PPARGC1A: variants seen among roughly 807,000 people sequenced by gnomAD.
PPARGC1A encodes the protein peroxisome proliferator-activated receptor gamma coactivator 1-alpha.
Under a neutral mutation model 88.7 loss-of-function variants are expected in PPARGC1A, and 25 were observed. The ratio of observed to expected loss-of-function variants is 0.28; its 90% confidence interval spans 0.21 to 0.39. The LOEUF is 0.39. Ranked by LOEUF, PPARGC1A falls within the 10% of genes least tolerant of loss-of-function variation. The pLI is 1.00. For missense variants in PPARGC1A, 880 were observed against 968.7 expected, an observed-to-expected ratio of 0.91 and a Z score of 1.22; for synonymous variants, 363 against 355.6, an observed-to-expected ratio of 1.02 and a Z score of -0.24.
chr4:23,901,631 A>C (rs1719399863), upstream of PPARGC1A, among the ~76,000 whole-genome samples: 7 of 152,164 alleles, frequency 4.6e-5, no homozygotes. Context: ...AGCTTGGGAC[A>C]ATGAGAGGAA....
chr4:24,329,323 T>C, the PPARGC1A span, among the ~76,000 whole-genome samples: 10 of 151,936 alleles, frequency 6.6e-5, no homozygotes, highest in African/African-American at 2.4e-4. Context: ...AATACCACCA[T>C]TCCAGTGAAC....
the PPARGC1A span, among the ~76,000 whole-genome samples, chr4:24,246,409 A>G: frequency 6.6e-6 from 1 of 152,154 alleles, no homozygotes; most frequent in African/African-American, 2.4e-5. Flanking sequence ...GGAGCACTGG[A>G]GCCCAGGAGT....
chr4:23,937,566 A>C, the PPARGC1A span, among the ~76,000 whole-genome samples: 1 of 152,320 alleles, frequency 6.6e-6, no homozygotes, highest in Non-Finnish European at 1.5e-5. Flanking sequence ...CAGGTCATTA[A>C]ATTTTGTTGA....
At chr4:23,873,221 A>AAAAAAAAAAAAG (rs1297257881) in intron 2 of PPARGC1A, among the ~76,000 whole-genome samples, 23 of 142,422 alleles carry the variant, frequency 1.6e-4, no homozygotes, top group African/African-American at 4.6e-4. Flanking sequence ...AAAAAATAAA[A>AAAAAAAAAAAAG]AATAAAGAAA....
At chr4:24,240,322 T>C in the PPARGC1A span, among the ~76,000 whole-genome samples, 7 of 152,294 alleles carry the variant, frequency 4.6e-5, no homozygotes, top group East Asian at 1.4e-3. Flanking sequence ...CTTTTAATTA[T>C]CTGATGCTCA....
the PPARGC1A span, among the ~76,000 whole-genome samples, chr4:24,150,501 G>A: frequency 6.6e-6 from 1 of 152,090 alleles, no homozygotes; most frequent in African/African-American, 2.4e-5. Context: ...TAAAACTAGA[G>A]GGCTTGACCC....
chr4:23,815,777 A>G (rs574627222), intron 7 of PPARGC1A, among the ~76,000 whole-genome samples: 5 of 152,268 alleles, frequency 3.3e-5, no homozygotes, highest in Non-Finnish European at 7.4e-5. Context: ...AGTTTACAAT[A>G]CATTTTCTGT....
At chr4:24,183,428 A>G in the PPARGC1A span, among the ~76,000 whole-genome samples, 1 of 152,154 alleles carries the variant, frequency 6.6e-6, no homozygotes, top group Non-Finnish European at 1.5e-5. Flanking sequence ...CCTTCCAACC[A>G]CTGAAGAGTT....
At chr4:24,383,082 A>G in the PPARGC1A span, among the ~76,000 whole-genome samples, 39 of 152,344 alleles carry the variant, frequency 2.6e-4, no homozygotes, top group East Asian at 6.9e-3. Flanking sequence ...TACCCACGCA[A>G]ACAGGGTCTG....
the PPARGC1A span, among the ~76,000 whole-genome samples, chr4:24,210,497 T>A: frequency 6.6e-6 from 1 of 152,208 alleles, no homozygotes; most frequent in Admixed American, 6.5e-5. Context: ...ATTTCAACAG[T>A]GATCTATCCA....
chr4:24,340,628 A>G, the PPARGC1A span, among the ~76,000 whole-genome samples: 1 of 152,182 alleles, frequency 6.6e-6, no homozygotes. Context: ...TATCACCCAT[A>G]CAATTTTATG....
the PPARGC1A span, among the ~76,000 whole-genome samples, chr4:24,456,002 C>T: frequency 6.6e-6 from 1 of 152,222 alleles, no homozygotes; most frequent in Non-Finnish European, 1.5e-5. Flanking sequence ...CTCAAAGAAT[C>T]TGTGAGCTAC....
the PPARGC1A span, among the ~76,000 whole-genome samples, chr4:24,338,169 AATG>A: frequency 6.6e-6 from 1 of 152,140 alleles, no homozygotes; most frequent in East Asian, 1.9e-4. Context: ...TGCGATCAGA[AATG>A]ATGATTTGTG....
chr4:23,840,802 G>A (rs1726933960), intron 2 of PPARGC1A, among the ~76,000 whole-genome samples: 1 of 152,080 alleles, frequency 6.6e-6, no homozygotes. Flanking sequence ...TGTTGTTGTT[G>A]TTGTTATTTT....
chr4:24,139,437 G>A, the PPARGC1A span, among the ~76,000 whole-genome samples: 4 of 152,108 alleles, frequency 2.6e-5, no homozygotes, highest in Non-Finnish European at 5.9e-5. Flanking sequence ...CTGAATAGCT[G>A]TTTCTTTAAA....
At chr4:24,400,834 A>G in the PPARGC1A span, among the ~76,000 whole-genome samples, 8 of 152,134 alleles carry the variant, frequency 5.3e-5, no homozygotes, top group Non-Finnish European at 4.4e-5. Flanking sequence ...AAAAGCACCT[A>G]TGTAAAATGT....
At chr4:23,911,123 CT>C in the PPARGC1A span, among the ~76,000 whole-genome samples, 1 of 152,102 alleles carries the variant, frequency 6.6e-6, no homozygotes, top group African/African-American at 2.4e-5. Context: ...ACAGAGAAAT[CT>C]ACAGGACATA....
At chr4:24,446,317 C>T in the PPARGC1A span, among the ~76,000 whole-genome samples, 34 of 152,226 alleles carry the variant, frequency 2.2e-4, no homozygotes, top group Admixed American at 1.6e-3. Flanking sequence ...TGTGCATTTC[C>T]CTGATGATTA....
Position 23,898,152 on chromosome 4 carries a change from G to C in PPARGC1A, n.52+1115C>G, listed in dbSNP as rs180719735. Among the ~76,000 whole-genome samples the C allele has an allele frequency of 1.2e-3, 186 of 152,280 alleles. 1 individual carries two copies. The highest frequency in any genetic ancestry group is 4.0e-3 in the African/African-American group (168 of 41,566). On this transcript the variant is annotated intron_variant and non_coding_transcript_variant, in intron 1 of 3. Coordinates refer to the PPARGC1A transcript ENST00000507342. ...AGCTCATTATATTTGGTAAAAGACTGTACATATTTTTAATTTAGAAGGAAT... is the reference window on the plus strand; with the variant it reads ...AGCTCATTATATTTGGTAAAAGACTCTACATATTTTTAATTTAGAAGGAAT...
Sources: allele counts gnomAD v4.1 joint callset (sites outside exome capture counted in the v4.1 genomes callset), GRCh38; gene constraint gnomAD v4.1.1; transcripts MANE v1.5; gene names NCBI Gene and HGNC (gene_info 2026-07-23, HGNC 2026-07-21).